NPAT: variants seen among roughly 807,000 people sequenced by gnomAD.
NPAT encodes the protein protein NPAT.
In NPAT, 52 loss-of-function variants were observed where a neutral mutation model predicts 130.7. The observed-to-expected ratio is 0.40, with a 90% CI of 0.32 to 0.50. The LOEUF (loss-of-function observed/expected upper bound fraction) is 0.50, where lower values mean the gene tolerates loss of function less well. Ranked by LOEUF, NPAT falls within the 20% of genes least tolerant of loss-of-function variation. The probability of loss-of-function intolerance (pLI) is 0.68; values close to 1 mark genes in which losing one functional copy is unlikely to be tolerated. For synonymous variants in NPAT, 580 were observed against 584.8 expected, an observed-to-expected ratio of 0.99 and a Z score of 0.12; for missense variants, 1,687 against 1,662.6, an observed-to-expected ratio of 1.01 and a Z score of -0.26.
intron 1 of NPAT, among the ~76,000 whole-genome samples, chr11:108,220,396 A>T (rs1321578163): frequency 6.6e-6 from 1 of 152,192 alleles, no homozygotes; most frequent in Non-Finnish European, 1.5e-5. Flanking sequence ...TCTAATGTCT[A>T]GTGGGGTCCA....
At chr11:108,211,685 T>C (rs550695402) in intron 1 of NPAT, among the ~76,000 whole-genome samples, 1 of 152,316 alleles carries the variant, frequency 6.6e-6, no homozygotes, top group East Asian at 1.9e-4. Context: ...CAGTGTAATA[T>C]ACTATATCCC....
At chr11:108,207,609 G>T (rs1057384612) in intron 1 of NPAT, among the ~76,000 whole-genome samples, 1 of 152,252 alleles carries the variant, frequency 6.6e-6, no homozygotes, top group Non-Finnish European at 1.5e-5. Context: ...ACCCAGCCAG[G>T]TCCCGACAGC....
rs1317515570 is a variant in NPAT at position 108,218,623 on chromosome 11, A to G, written c.37+3877T>C. 6.6e-5 allele frequency among the ~76,000 whole-genome samples: 10 copies of G among 152,352 alleles called. No homozygotes were observed. The East Asian group carries it at 1.7e-3, about 26-fold the overall frequency. On this transcript the variant is annotated intron_variant, in intron 1 of 17. Coordinates refer to ENST00000278612, the MANE Select transcript of NPAT (RefSeq NM_002519.3). ...CAAATAACTGTAATGCAAAGCAAAA[A>G]TGGTAAGAAAATAGAGCTGACTCAC... is the stretch of plus-strand genomic sequence containing the variant.
intron 2 of NPAT, among the ~76,000 whole-genome samples, chr11:108,195,964 T>C (rs1174482756): frequency 6.6e-6 from 1 of 152,182 alleles, no homozygotes; most frequent in East Asian, 1.9e-4. Context: ...GTAGAGCAAG[T>C]TTTTAATTTT....
intron 1 of NPAT, among the ~76,000 whole-genome samples, chr11:108,220,480 C>G (rs999783589): frequency 5.3e-5 from 8 of 151,778 alleles, no homozygotes; most frequent in Admixed American, 5.3e-4. Context: ...GGGGAGAAAA[C>G]TTAACTTCTC....
chr11:108,195,495 T>C (rs1186278768), intron 2 of NPAT, among the ~76,000 whole-genome samples: 1 of 152,274 alleles, frequency 6.6e-6, no homozygotes, highest in Admixed American at 6.5e-5. Context: ...CTGTATATTT[T>C]CTTTGGTAAA....
intron 13 of NPAT, 155 bp from the exon 14 acceptor site, chr11:108,170,198 AAAC>A (rs2077937674): frequency 1.7e-6 from 1 of 605,308 alleles, no homozygotes; most frequent in Admixed American, 2.8e-5. Context: ...AAACAAAACA[AAAC>A]AAAAAAAACG....
rs1414261612 is a variant in NPAT, at chr11:108,190,479, C to A, written c.312G>T (p.Arg104Ser). Residue 104 changes from arginine (R) to serine (S), a missense_variant, in exon 5 of 18, where the codon AGG becomes AGT. By Grantham distance (110) the Arg-to-Ser change is moderately radical. This residue lies in a region of NPAT where 307 missense variants were observed against 298.9 expected (regional missense o/e 1.03). Transcript: ENST00000278612. The stretch of plus-strand genomic sequence containing the variant: ...ACCAACCTCTCTGACTGCCAGCAAA[C>A]CTTGGGGAACTTTGCATGCTCCTAA... ...SQIRSMQSSP[R>S]FAGSQRARTR... 6.2e-7 allele frequency: 1 copy of A among 1,613,820 alleles called. No individual in the cohort carries two copies. Among genetic ancestry groups the A allele is most frequent in the Non-Finnish European group, 8.5e-7 (1 of 1,179,888 alleles).
At chr11:108,214,983 C>A (rs145891221) in intron 1 of NPAT, among the ~76,000 whole-genome samples, 1 of 152,194 alleles carries the variant, frequency 6.6e-6, no homozygotes, top group East Asian at 1.9e-4. Flanking sequence ...TGCTTTGTAC[C>A]CTAATTTCCT....
chr11:108,164,275 A>C (rs2077880064), intron 15 of NPAT, among the ~76,000 whole-genome samples: 1 of 152,232 alleles, frequency 6.6e-6, no homozygotes, highest in Non-Finnish European at 1.5e-5. Flanking sequence ...GCCAAGTGGA[A>C]GGTGGGTGAG....
At chr11:108,173,943 A>G in intron 12 of NPAT, 92 bp from the exon 13 acceptor site, 1 of 1,103,516 alleles carries the variant, frequency 9.1e-7, no homozygotes, top group Non-Finnish European at 1.4e-6. Context: ...TGCCAAGAAA[A>G]TAACTCATCT....
At chr11:108,214,471 A>C (rs1381304235) in intron 1 of NPAT, among the ~76,000 whole-genome samples, 2 of 152,160 alleles carry the variant, frequency 1.3e-5, no homozygotes, top group African/African-American at 2.4e-5. Flanking sequence ...GTGACTTAAT[A>C]GTATAAGGAT....
In NPAT at chr11:108,188,193, AAACAT is replaced by A; in HGVS notation, c.557-19_557-15del. On this transcript the variant is annotated splice_polypyrimidine_tract_variant and intron_variant, in intron 6 of 17. Transcript: ENST00000278612. ...AAGCTTCTCCAGCTGTATTTCAAGAAAACATAACAGTAAGCCAAAGAAACTGAATA... is the reference window on the plus strand; with the variant it reads ...AAGCTTCTCCAGCTGTATTTCAAGAAAACAGTAAGCCAAAGAAACTGAATA... The A allele has an allele frequency of 6.2e-7, 1 of 1,603,336 alleles. No individual in the cohort carries two copies. The highest frequency in any genetic ancestry group is 2.2e-5 in the East Asian group (1 of 44,744).
intron 15 of NPAT, among the ~76,000 whole-genome samples, chr11:108,164,283 G>A (rs1329272480): frequency 6.6e-6 from 1 of 152,226 alleles, no homozygotes; most frequent in East Asian, 1.9e-4. Flanking sequence ...GAAGGTGGGT[G>A]AGAAATACAT....
At position 108,209,381 on chromosome 11, in the gene NPAT, G is replaced by C. The variant is rs147111258; in HGVS notation, c.38-11961C>G. The stretch of plus-strand genomic sequence containing the variant: ...ACCTATTTGGCAGGCTGAGGCAGGA[G>C]AGTACCATGAGGTGAGGAATTCAAG... On this transcript the variant is annotated intron_variant, in intron 1 of 17. Transcript: ENST00000278612. Among the ~76,000 whole-genome samples, 448 of 152,318 alleles carry C rather than the reference G, an allele frequency of 2.9e-3. 2 individuals are homozygous for C. The highest frequency in any genetic ancestry group is 6.8e-3 in the Middle Eastern group (2 of 294).
chr11:108,186,407 C>T lies in NPAT; in HGVS notation c.726+75G>A, dbSNP rs1283844330. The T allele has an allele frequency of 3.1e-5, 32 of 1,035,204 alleles. 1 individual carries two copies. The highest frequency in any genetic ancestry group is 4.6e-5 in the Non-Finnish European group (30 of 655,530). The allele number at this position is 1,035,204 out of a possible 1,614,324, so 64.1% of individuals were successfully genotyped here. On this transcript the variant is annotated intron_variant, in intron 8 of 17. Transcript: ENST00000278612. ...TCTTTATTTGATACATACACACATA[C>T]ATACATTTGTGTATATATCTGTATT...
chr11:108,205,873 T>A (rs1281202507), intron 1 of NPAT, among the ~76,000 whole-genome samples: 9 of 151,956 alleles, frequency 5.9e-5, no homozygotes, highest in Non-Finnish European at 1.2e-4. Flanking sequence ...CAAAACCCCA[T>A]CTCTACTAAA....
chr11:108,180,416 G>T (rs1318948732), intron 10 of NPAT, among the ~76,000 whole-genome samples: 1 of 152,144 alleles, frequency 6.6e-6, no homozygotes, highest in Non-Finnish European at 1.5e-5. Flanking sequence ...AACTTAAACA[G>T]ACATTTATCC....
chr11:108,210,289 T>A (rs1315349967), intron 1 of NPAT, among the ~76,000 whole-genome samples: 1 of 152,184 alleles, frequency 6.6e-6, no homozygotes, highest in Non-Finnish European at 1.5e-5. Context: ...CCTTGAATTG[T>A]AATCCCCAAT....
Sources: allele counts gnomAD v4.1 joint callset (sites outside exome capture counted in the v4.1 genomes callset), GRCh38; gene constraint gnomAD v4.1.1; regional missense constraint gnomAD v4.1.1; transcripts MANE v1.5; gene names NCBI Gene and HGNC (gene_info 2026-07-23, HGNC 2026-07-21).